Variants in ARMC2 observed in about 807,000 individuals in gnomAD.
The protein encoded by ARMC2 is armadillo repeat containing 2, also known as armadillo repeat-containing protein 2.
Under a neutral mutation model 90.3 loss-of-function variants are expected in ARMC2, and 67 were observed. The observed-to-expected ratio is 0.74, with a 90% CI of 0.61 to 0.91. The LOEUF (loss-of-function observed/expected upper bound fraction) is 0.91, where lower values mean the gene tolerates loss of function less well. Ranked by LOEUF, ARMC2 falls within the 40% of genes least tolerant of loss-of-function variation. ARMC2 has a pLI of 0.00. For missense variants in ARMC2, 920 were observed against 1,030.9 expected (o/e 0.89, Z 1.47); for synonymous variants, 393 against 393.0 (o/e 1.00, Z 0.00).
chr6:109,009,063 G>A, the ARMC2 span: 1 of 944,008 alleles, frequency 1.1e-6, no homozygotes, highest in South Asian at 4.5e-5. Flanking sequence ...TTACGTATTG[G>A]AGACTTTCAT....
At chr6:108,872,547 G>T (rs968540531) in intron 4 of ARMC2, among the ~76,000 whole-genome samples, 1 of 152,202 alleles carries the variant, frequency 6.6e-6, no homozygotes, top group African/African-American at 2.4e-5. Flanking sequence ...ATGGTCTGCA[G>T]GTGGGTGGAT....
At chr6:108,952,454 C>T (rs1397649702) in intron 12 of ARMC2, among the ~76,000 whole-genome samples, 4 of 151,284 alleles carry the variant, frequency 2.6e-5, no homozygotes, top group South Asian at 2.1e-4. Flanking sequence ...CGTAACACAG[C>T]GCTTCTCCAC....
At chr6:109,032,630 G>A in the ARMC2 span, among the ~76,000 whole-genome samples, 1 of 151,714 alleles carries the variant, frequency 6.6e-6, no homozygotes, top group Non-Finnish European at 1.5e-5. Flanking sequence ...GGGGGGAGTG[G>A]GGGGGAAGAG....
chr6:108,951,100 A>G (rs1023423041), intron 12 of ARMC2, among the ~76,000 whole-genome samples: 2 of 152,150 alleles, frequency 1.3e-5, no homozygotes, highest in Non-Finnish European at 2.9e-5. Context: ...TTTTGTCTCC[A>G]TTTTGCAAAC....
intron 5 of ARMC2, among the ~76,000 whole-genome samples, chr6:108,882,125 G>A (rs1251775831): frequency 6.6e-6 from 1 of 150,932 alleles, no homozygotes; most frequent in East Asian, 2.0e-4. Context: ...TAGATAATGT[G>A]ATCATTCTCT....
chr6:108,851,926 AC>A (rs1774056000), intron 1 of ARMC2, among the ~76,000 whole-genome samples: 1 of 152,162 alleles, frequency 6.6e-6, no homozygotes, highest in South Asian at 2.1e-4. Context: ...GAGAGTGAAG[AC>A]GGTCTTTTAT....
At chr6:108,932,756 C>T (rs1775675901) in intron 11 of ARMC2, among the ~76,000 whole-genome samples, 1 of 151,954 alleles carries the variant, frequency 6.6e-6, no homozygotes, top group African/African-American at 2.4e-5. Flanking sequence ...TCTCGATCTC[C>T]TGACCTCGTG....
intron 8 of ARMC2, among the ~76,000 whole-genome samples, chr6:108,906,482 TTTTTTC>T (rs1772734460): frequency 6.6e-6 from 1 of 152,152 alleles, no homozygotes. Context: ...AACATTTTTT[TTTTTTC>T]TTTTTCTTAA....
At chr6:108,958,978 T>A (rs561527676) in intron 13 of ARMC2, among the ~76,000 whole-genome samples, 1 of 152,278 alleles carries the variant, frequency 6.6e-6, no homozygotes, top group Non-Finnish European at 1.5e-5. Flanking sequence ...AATTTGGAGG[T>A]CCTGTGTCCC....
chr6:108,967,798 C>T (rs956326061), intron 17 of ARMC2, among the ~76,000 whole-genome samples: 6 of 152,128 alleles, frequency 3.9e-5, no homozygotes, highest in African/African-American at 9.7e-5. Context: ...GGGCTGACTG[C>T]GCTCCATTCC....
chr6:108,919,930 T>C (rs1156363831), intron 10 of ARMC2, among the ~76,000 whole-genome samples: 1 of 152,212 alleles, frequency 6.6e-6, no homozygotes, highest in Non-Finnish European at 1.5e-5. Flanking sequence ...CTGAACTAAG[T>C]ATAAATTCAC....
At position 108,854,425 on chromosome 6, in the gene ARMC2, GAA is replaced by G; in HGVS notation, c.161_162del (p.Lys54ThrfsTer13). ...CCATTTACACCACAGGAGGCTCAAA[GAA>G]AACTATTCGGACCTGCATCCTCAAG... On this transcript the variant is annotated frameshift_variant, in exon 2 of 18. Transcript: ENST00000392644. LOFTEE classifies it high-confidence loss of function. The G allele has an allele frequency of 6.2e-7, 1 of 1,613,566 alleles. No individual in the cohort carries two copies. The highest frequency in any genetic ancestry group is 8.5e-7 in the Non-Finnish European group (1 of 1,179,804).
intron 5 of ARMC2, among the ~76,000 whole-genome samples, chr6:108,892,786 G>A (rs1235526751): frequency 6.6e-6 from 1 of 151,364 alleles, no homozygotes; most frequent in Non-Finnish European, 1.5e-5. Context: ...AAGGTGGGGG[G>A]AACATGTTAA....
In ARMC2 at chr6:108,953,199, G is replaced by C. The variant is rs1010414745; in HGVS notation, c.1763G>C (p.Gly588Ala). Reference sequence around the variant, plus strand: ...TCCCAGAAGCCGGTGGGCCAACGAGGCGAGCAGCACAGGGCGCAGAGGCCG... The same window carrying C: ...TCCCAGAAGCCGGTGGGCCAACGAGCCGAGCAGCACAGGGCGCAGAGGCCG... ...LHSQKPVGQRGEQHRAQRPPS... is the reference protein window; with the variant it reads ...LHSQKPVGQRAEQHRAQRPPS... Residue 588 changes from glycine (G) to alanine (A), a missense_variant, in exon 13 of 18, where the codon GGC (glycine) becomes GCC (alanine). Gly to Ala is a moderately conservative substitution (Grantham distance 60). Transcript: ENST00000392644. 6.2e-7 allele frequency: 1 copy of C among 1,613,900 alleles called. No homozygotes were observed. The highest frequency in any genetic ancestry group is 8.5e-7 in the Non-Finnish European group (1 of 1,179,910).
At chr6:109,012,973 G>A in the ARMC2 span, among the ~76,000 whole-genome samples, 19 of 151,930 alleles carry the variant, frequency 1.3e-4, no homozygotes, top group African/African-American at 4.6e-4. Flanking sequence ...AAAATTAGCT[G>A]GGCGTGGTGG....
chr6:108,863,557 G>A (rs566557959), intron 3 of ARMC2, among the ~76,000 whole-genome samples: 1 of 152,096 alleles, frequency 6.6e-6, no homozygotes, highest in Non-Finnish European at 1.5e-5. Flanking sequence ...TTCAAATTTC[G>A]TTCACACAGA....
chr6:108,946,072 C>T (rs568891645), intron 12 of ARMC2, among the ~76,000 whole-genome samples: 6 of 152,362 alleles, frequency 3.9e-5, no homozygotes, highest in South Asian at 2.1e-4. Flanking sequence ...CGCCCCTGAC[C>T]GGGCAGGCTG....
intron 12 of ARMC2, among the ~76,000 whole-genome samples, chr6:108,950,779 T>TA (rs774268172): frequency 1.3e-5 from 2 of 151,968 alleles, no homozygotes; most frequent in Non-Finnish European, 2.9e-5. Flanking sequence ...CCTAAAAAGT[T>TA]AAAAAAAGAG....
chr6:108,956,695 T>C (rs1004659536), intron 13 of ARMC2, among the ~76,000 whole-genome samples: 4 of 151,536 alleles, frequency 2.6e-5, no homozygotes, highest in African/African-American at 9.8e-5. Context: ...AGTGAGACCC[T>C]GTCTCCAAGA....
Sources: gnomAD v4.1 joint callset for allele counts (sites outside exome capture counted in the v4.1 genomes callset) on GRCh38, gnomAD v4.1.1 for gene constraint, MANE v1.5 for transcripts, NCBI Gene and HGNC (gene_info 2026-07-23, HGNC 2026-07-21) for gene names.